Variants in L3MBTL3 observed in about 807,000 individuals in gnomAD.
L3MBTL3 encodes L3MBTL histone methyl-lysine binding protein 3.
A neutral mutation model predicts 102.3 loss-of-function variants in L3MBTL3; 27 were observed. That is an observed-to-expected ratio of 0.26 (90% CI 0.19 to 0.36). The LOEUF is 0.36. Ranked by LOEUF, L3MBTL3 falls within the 10% of genes least tolerant of loss-of-function variation. L3MBTL3 has a pLI of 1.00. For missense variants in L3MBTL3, 798 were observed against 955.3 expected, an observed-to-expected ratio of 0.84 and a Z score of 2.17; for synonymous variants, 340 against 320.9, an observed-to-expected ratio of 1.06 and a Z score of -0.64.
chr6:130,064,453 T>C (rs1782110390), intron 10 of L3MBTL3, among the ~76,000 whole-genome samples: 1 of 151,984 alleles, frequency 6.6e-6, no homozygotes. Flanking sequence ...AGTGAGGGCT[T>C]GAAGTAGAGA....
intron 5 of L3MBTL3, among the ~76,000 whole-genome samples, chr6:130,050,234 C>T (rs752364177): frequency 2.0e-5 from 3 of 152,200 alleles, no homozygotes; most frequent in Non-Finnish European, 4.4e-5. Context: ...TTTCTCATTG[C>T]CTTTTTAGCA....
chr6:130,068,291 TG>T, intron 11 of L3MBTL3, 38 bp from the exon 12 acceptor site: 1 of 1,063,610 alleles, frequency 9.4e-7, no homozygotes, highest in Non-Finnish European at 1.4e-6. Context: ...TAAAATATTG[TG>T]GTATTTGAAT....
intron 13 of L3MBTL3, among the ~76,000 whole-genome samples, chr6:130,078,115 A>G (rs1384573206): frequency 2.6e-5 from 4 of 152,222 alleles, no homozygotes; most frequent in Admixed American, 6.5e-5. Context: ...AATGGGTAAC[A>G]GAAATAGCAT....
At chr6:130,056,261 G>A (rs536932103) in intron 8 of L3MBTL3, among the ~76,000 whole-genome samples, 1 of 152,086 alleles carries the variant, frequency 6.6e-6, no homozygotes, top group Non-Finnish European at 1.5e-5. Context: ...TCCTCAGGCA[G>A]CATTTTATTT....
chr6:130,061,765 G>A (rs1009238759), intron 10 of L3MBTL3, among the ~76,000 whole-genome samples: 1 of 152,152 alleles, frequency 6.6e-6, no homozygotes, highest in East Asian at 1.9e-4. Flanking sequence ...GGCGTGAGTT[G>A]CTAGCCCTGA....
intron 7 of L3MBTL3, among the ~76,000 whole-genome samples, chr6:130,054,292 G>A (rs1429283095): frequency 1.3e-5 from 2 of 152,144 alleles, no homozygotes; most frequent in Non-Finnish European, 2.9e-5. Flanking sequence ...GGGCATGTAG[G>A]GTTTTATGGT....
chr6:130,137,975 T>G (rs1787886916), intron 22 of L3MBTL3: 1 of 152,236 alleles, frequency 6.6e-6, no homozygotes, highest in South Asian at 2.1e-4. Flanking sequence ...ACTTGGAGAT[T>G]AACACTGGAA....
chr6:130,048,509 GAA>G (rs1254875559), intron 3 of L3MBTL3, among the ~76,000 whole-genome samples: 3 of 152,128 alleles, frequency 2.0e-5, no homozygotes. Context: ...TACTTTATTT[GAA>G]GTGTGCTGTC....
chr6:130,068,386 G>C lies in L3MBTL3; in HGVS notation c.1057G>C (p.Ala353Pro), dbSNP rs1009161298. The C allele has an allele frequency of 6.2e-7, 1 of 1,605,350 alleles. No individual in the cohort carries two copies. Among genetic ancestry groups the C allele is most frequent in the African/African-American group, 1.3e-5 (1 of 74,730 alleles). ...QTYLKTCKAQAAPKSLFENQN... is the reference protein window; with the variant it reads ...QTYLKTCKAQPAPKSLFENQN... ...CTATCTTAAGACATGTAAAGCTCAA[G>C]CTGCTCCTAAGTCATTATTTGAAAA... Residue 353 changes from alanine (A) to proline (P), a missense_variant, in exon 12 of 23, where the codon GCT (alanine) becomes CCT (proline). Transcript: ENST00000361794.
intron 20 of L3MBTL3, among the ~76,000 whole-genome samples, chr6:130,128,772 A>G (rs1292235017): frequency 6.6e-6 from 1 of 152,198 alleles, no homozygotes; most frequent in East Asian, 1.9e-4. Context: ...TTTCCAGGTG[A>G]GAGAAAAGAC....
intron 3 of L3MBTL3, among the ~76,000 whole-genome samples, chr6:130,043,677 G>T (rs1364455313): frequency 6.6e-6 from 1 of 152,106 alleles, no homozygotes; most frequent in Non-Finnish European, 1.5e-5. Flanking sequence ...GGTATTCTAG[G>T]CTGTCTTGAA....
At chr6:130,049,705 TG>T in intron 4 of L3MBTL3, 50 bp from the exon 5 acceptor site, 2 of 1,611,720 alleles carry the variant, frequency 1.2e-6, no homozygotes, top group Non-Finnish European at 1.7e-6. Context: ...TCTACTCCGA[TG>T]GTTGTAACTA....
chr6:130,115,899 A>G (rs1423829912), intron 19 of L3MBTL3, among the ~76,000 whole-genome samples: 2 of 152,192 alleles, frequency 1.3e-5, no homozygotes, highest in Non-Finnish European at 2.9e-5. Flanking sequence ...GCTGTTTTCC[A>G]TGCACTTTTT....
intron 19 of L3MBTL3, among the ~76,000 whole-genome samples, chr6:130,115,768 G>A (rs1452316748): frequency 6.6e-6 from 1 of 152,156 alleles, no homozygotes; most frequent in Non-Finnish European, 1.5e-5. Context: ...ATTTCACTAT[G>A]ATTGTATTTC....
rs998495435 is a variant in L3MBTL3 at position 130,030,536 on chromosome 6, G to A, written c.-16+8231G>A. On this transcript the variant is annotated intron_variant, in intron 2 of 22. Transcript: ENST00000361794. Reference sequence around the variant, plus strand: ...AAAAAAATTAGCCGGGCATGGTGGCGGGTGCCTGTAGTCCCAGCTACTCGG... The same window carrying A: ...AAAAAAATTAGCCGGGCATGGTGGCAGGTGCCTGTAGTCCCAGCTACTCGG... Among the ~76,000 whole-genome samples the A allele has an allele frequency of 3.3e-5, 5 of 151,686 alleles. No homozygotes were observed. The East Asian group carries it at 7.8e-4, about 24-fold the overall frequency.
intron 3 of L3MBTL3, among the ~76,000 whole-genome samples, chr6:130,044,817 A>G (rs573784502): frequency 1.3e-5 from 2 of 152,354 alleles, no homozygotes; most frequent in East Asian, 3.9e-4. Context: ...AAGTTGCTTA[A>G]GAAATCTGAT....
At chr6:130,094,126 T>C (rs1784214071) in intron 17 of L3MBTL3, 139 bp from the exon 18 acceptor site, 1 of 516,278 alleles carries the variant, frequency 1.9e-6, no homozygotes, top group South Asian at 3.7e-5. Flanking sequence ...AGGATCTACT[T>C]TTTCTGTTTA....
chr6:130,086,654 A>G (rs1242594205), intron 16 of L3MBTL3, among the ~76,000 whole-genome samples: 1 of 152,198 alleles, frequency 6.6e-6, no homozygotes, highest in African/African-American at 2.4e-5. Flanking sequence ...GGCCAAGTAA[A>G]GATAAATAAT....
intron 19 of L3MBTL3, among the ~76,000 whole-genome samples, chr6:130,109,266 C>T (rs1389795037): frequency 1.3e-5 from 2 of 152,138 alleles, no homozygotes; most frequent in African/African-American, 2.4e-5. Context: ...GTTCTAGATC[C>T]TTGAGGAATT....
Sources: gnomAD v4.1 joint callset for allele counts (sites outside exome capture counted in the v4.1 genomes callset) on GRCh38, gnomAD v4.1.1 for gene constraint, MANE v1.5 for transcripts, NCBI Gene and HGNC (gene_info 2026-07-23, HGNC 2026-07-21) for gene names.